MCTP2: variants seen among roughly 807,000 people sequenced by gnomAD.
MCTP2 encodes multiple C2 and transmembrane domain containing 2.
MCTP2 carries 132 observed loss-of-function variants against 111.6 expected under a neutral mutation model. The observed-to-expected ratio is 1.18, with a 90% confidence interval of 1.03 to 1.37. The LOEUF (loss-of-function observed/expected upper bound fraction) is 1.37. MCTP2 is among the 40% of genes most tolerant of loss of function. The pLI is 0.00. For synonymous variants in MCTP2, 395 were observed against 387.7 expected (o/e 1.02, Z -0.22); for missense variants, 1,183 against 1,067.9 (o/e 1.11, Z -1.50).
At position 94,482,987 on chromosome 15, in the gene MCTP2, C is replaced by A. The variant is rs1022483531; in HGVS notation, c.*3953C>A. ...AGTGGAATGGTAGAAATGGAAACCA[C>A]GCTGGGTTGAGAAGTGAGTGGATGT... On this transcript the variant is annotated 3_prime_UTR_variant, in exon 23 of 23. Coordinates refer to ENST00000357742, the MANE Select transcript of MCTP2 (RefSeq NM_001385001.1). 3.9e-5 allele frequency: 6 copies of A among 152,116 alleles called. No individual in the cohort carries two copies. The highest frequency in any genetic ancestry group is 1.2e-4 in the African/African-American group (5 of 41,424). 9.4% of individuals were successfully genotyped at this position (152,116 alleles called of 1,614,324 possible). A position where few individuals can be genotyped will look rare whatever the true frequency, so the allele number is the denominator to read the frequency against.
chr15:94,246,719 G>C (rs1410123218), intron 1 of MCTP2, among the ~76,000 whole-genome samples: 1 of 152,188 alleles, frequency 6.6e-6, no homozygotes, highest in African/African-American at 2.4e-5. Context: ...AGAAATGATA[G>C]AAAACTAGGG....
At chr15:94,472,446 G>T (rs1326153971) in intron 21 of MCTP2, among the ~76,000 whole-genome samples, 1 of 152,172 alleles carries the variant, frequency 6.6e-6, no homozygotes, top group Non-Finnish European at 1.5e-5. Context: ...TCAATTTTGA[G>T]ATTCCAATCC....
In MCTP2 at chr15:94,339,424, C is replaced by A. The variant is rs777266313; in HGVS notation, c.772C>A (p.Arg258Ser). The change falls in exon 5 of 23, where the codon CGT (arginine) becomes AGT (serine). Residue 258 changes from arginine to serine, a missense_variant. Coordinates refer to ENST00000357742, the MANE Select transcript of MCTP2 (RefSeq NM_001385001.1). ...AATCCAAAGCCTTGATCAAAAGCTA[C>A]GTGTGAAGGTAATCACAGATAGCTT... ...LPIQSLDQKLRVKVYDRDLTT... is the reference protein window; with the variant it reads ...LPIQSLDQKLSVKVYDRDLTT... 2 of 1,594,820 alleles carry A rather than the reference C, an allele frequency of 1.3e-6. No homozygotes were observed. The highest frequency in any genetic ancestry group is 1.7e-6 in the Non-Finnish European group (2 of 1,172,772).
chr15:94,243,751 A>C (rs1436935581), intron 1 of MCTP2, among the ~76,000 whole-genome samples: 1 of 148,428 alleles, frequency 6.7e-6, no homozygotes, highest in Non-Finnish European at 1.5e-5. Context: ...ATATGTATAC[A>C]CATGCATATG....
At chr15:94,330,242 T>G (rs2077069359) in intron 4 of MCTP2, among the ~76,000 whole-genome samples, 1 of 152,212 alleles carries the variant, frequency 6.6e-6, no homozygotes, top group South Asian at 2.1e-4. Flanking sequence ...ATGTTATTCT[T>G]GAATTTTGGT....
intron 1 of MCTP2, chr15:94,273,523 G>T: frequency 5.4e-6 from 1 of 186,256 alleles, no homozygotes; most frequent in South Asian, 1.2e-4. Context: ...GGTGACCTGG[G>T]ACCACAGCAA....
At chr15:94,401,556 C>A (rs1448491437) in intron 16 of MCTP2, among the ~76,000 whole-genome samples, 2 of 150,290 alleles carry the variant, frequency 1.3e-5, no homozygotes, top group East Asian at 1.9e-4. Flanking sequence ...CTTTCTAGTT[C>A]TCTCTCTCTC....
At chr15:94,397,369 GA>G (rs1196766858) in intron 14 of MCTP2, among the ~76,000 whole-genome samples, 2 of 152,182 alleles carry the variant, frequency 1.3e-5, no homozygotes, top group Non-Finnish European at 2.9e-5. Flanking sequence ...AGAAATCATG[GA>G]AATTTTAAGA....
At chr15:94,339,129 C>G (rs1292965177) in intron 4 of MCTP2, among the ~76,000 whole-genome samples, 161 bp from the exon 5 acceptor site, 1 of 152,174 alleles carries the variant, frequency 6.6e-6, no homozygotes, top group Non-Finnish European at 1.5e-5. Context: ...TTCATTTACC[C>G]CAAATTCTTT....
At chr15:94,453,250 C>T (rs2084581831) in intron 19 of MCTP2, among the ~76,000 whole-genome samples, 1 of 152,218 alleles carries the variant, frequency 6.6e-6, no homozygotes, top group African/African-American at 2.4e-5. Context: ...CAAAGACTAA[C>T]ACCAGGTTAA....
rs1285982094 is a variant in MCTP2 at position 94,440,710 on chromosome 15, C to A, written c.2208+412C>A. On this transcript the variant is annotated intron_variant, in intron 18 of 22. Transcript: ENST00000357742. ...GGCCTTTCCATGAAGGCACCTTATG[C>A]AATGTTCTCTCTGGCTTGAAGGCTC... Among the ~76,000 whole-genome samples the A allele has an allele frequency of 2.0e-5, 3 of 152,288 alleles. No individual in the cohort carries two copies. In the East Asian group the frequency reaches 5.8e-4, roughly 29 times the overall value.
intron 1 of MCTP2, among the ~76,000 whole-genome samples, chr15:94,284,928 G>A (rs2074679794): frequency 6.6e-6 from 1 of 152,200 alleles, no homozygotes; most frequent in Admixed American, 6.5e-5. Context: ...AGGTAGTATA[G>A]TGTTGAAGCC....
intron 17 of MCTP2, among the ~76,000 whole-genome samples, chr15:94,429,300 A>C (rs936669343): frequency 6.6e-5 from 10 of 151,790 alleles, no homozygotes; most frequent in South Asian, 2.1e-4. Flanking sequence ...AATTTTATTT[A>C]TCTCTCTCTC....
intron 14 of MCTP2, among the ~76,000 whole-genome samples, chr15:94,397,391 ATGAC>A (rs897030991): frequency 6.6e-6 from 1 of 152,224 alleles, no homozygotes; most frequent in African/African-American, 2.4e-5. Context: ...TAACAGTACA[ATGAC>A]TGTGCGTTGA....
Position 94,294,941 on chromosome 15 carries a change from C to CTT in MCTP2, c.-65-3233_-65-3232dup, listed in dbSNP as rs71133001. Reference sequence around the variant, plus strand: ...TTCTCTTTATTTTTCTTTTCTTTTCCTTTTTTTTTTTTTTTTTTTTTTTTT... The same window carrying CTT: ...TTCTCTTTATTTTTCTTTTCTTTTCCTTTTTTTTTTTTTTTTTTTTTTTTTTT... On this transcript the variant is annotated intron_variant, in intron 1 of 22. Transcript: ENST00000357742. Among the ~76,000 whole-genome samples, 19 of 73,988 alleles carry CTT rather than the reference C, an allele frequency of 2.6e-4. 1 individual carries two copies. Among genetic ancestry groups the CTT allele is most frequent in the African/African-American group, 3.4e-4 (6 of 17,504 alleles). 48.5% of individuals were successfully genotyped at this position (73,988 alleles called of 152,430 possible). A position where few individuals can be genotyped will look rare whatever the true frequency, so the allele number is the denominator to read the frequency against.
intron 1 of MCTP2, among the ~76,000 whole-genome samples, chr15:94,260,401 C>G (rs553539844): frequency 1.3e-5 from 2 of 152,316 alleles, no homozygotes; most frequent in South Asian, 4.1e-4. Flanking sequence ...GGCTGGCATT[C>G]TTTCCAGAGT....
At chr15:94,356,953 G>A (rs191025564) in intron 9 of MCTP2, among the ~76,000 whole-genome samples, 4 of 152,092 alleles carry the variant, frequency 2.6e-5, no homozygotes, top group African/African-American at 9.6e-5. Context: ...TAATTAATTA[G>A]TTTTACATAA....
chr15:94,315,677 CTTCT>C, intron 4 of MCTP2, 40 bp downstream of exon 4: 1 of 1,404,154 alleles, frequency 7.1e-7, no homozygotes, highest in Non-Finnish European at 1.0e-6. Context: ...AGCCTGGAAA[CTTCT>C]TTCTCTCTGT....
At position 94,447,492 on chromosome 15, in the gene MCTP2, T is replaced by G. The variant is rs368708850; in HGVS notation, c.2250+4532T>G. 4.6e-5 allele frequency among the ~76,000 whole-genome samples: 7 copies of G among 152,258 alleles called. No homozygotes were observed. In the East Asian group the frequency reaches 9.7e-4, roughly 21 times the overall value. ...TCAGTGCAATCTCTGCCTCCCAAGT[T>G]CAAGTGATTCTCGTGCCTCCGCCTC... On this transcript the variant is annotated intron_variant, in intron 19 of 22. Transcript: ENST00000357742.
Sources: gnomAD v4.1 joint callset for allele counts (sites outside exome capture counted in the v4.1 genomes callset) on GRCh38, gnomAD v4.1.1 for gene constraint, MANE v1.5 for transcripts, NCBI Gene and HGNC (gene_info 2026-07-23, HGNC 2026-07-21) for gene names.